NCAM1: variants seen among roughly 807,000 people sequenced by gnomAD.
NCAM1 encodes the protein antigen recognized by monoclonal antibody 5.1H11.
Under a neutral mutation model 109.8 loss-of-function variants are expected in NCAM1, and 14 were observed. That is an observed-to-expected ratio of 0.13 (90% CI 0.08 to 0.20). The LOEUF (loss-of-function observed/expected upper bound fraction) is 0.20. NCAM1 is among the 10% of genes least tolerant of loss of function. NCAM1 has a pLI of 1.00. For synonymous variants in NCAM1, 418 were observed against 442.9 expected, an observed-to-expected ratio of 0.94 and a Z score of 0.70; for missense variants, 774 against 1,109.9, an observed-to-expected ratio of 0.70 and a Z score of 4.30.
At chr11:113,138,810 C>T (rs782310976) in intron 1 of NCAM1, among the ~76,000 whole-genome samples, 1 of 152,176 alleles carries the variant, frequency 6.6e-6, no homozygotes, top group Non-Finnish European at 1.5e-5. Flanking sequence ...TTTAATCATC[C>T]AGCCGAAACA....
intron 1 of NCAM1, among the ~76,000 whole-genome samples, chr11:113,082,261 C>T (rs1220038729): frequency 6.6e-6 from 1 of 152,186 alleles, no homozygotes; most frequent in Non-Finnish European, 1.5e-5. Context: ...ATTGTTCCCG[C>T]ATACTCTTAA....
chr11:113,082,093 T>C (rs1423684393), intron 1 of NCAM1, among the ~76,000 whole-genome samples: 2 of 152,244 alleles, frequency 1.3e-5, no homozygotes, highest in Non-Finnish European at 1.5e-5. Context: ...TGCAATTGCC[T>C]CTTTTTTTCT....
chr11:113,147,650 C>A (rs1202249878), intron 1 of NCAM1, among the ~76,000 whole-genome samples: 1 of 152,212 alleles, frequency 6.6e-6, no homozygotes, highest in African/African-American at 2.4e-5. Flanking sequence ...ACCCCAGAAG[C>A]TTGTAACAGG....
At chr11:113,195,324 A>C (rs1307560487) in intron 1 of NCAM1, among the ~76,000 whole-genome samples, 1 of 152,060 alleles carries the variant, frequency 6.6e-6, no homozygotes, top group Admixed American at 6.6e-5. Flanking sequence ...AACGAGATAC[A>C]TTTACTTATG....
intron 9 of NCAM1, among the ~76,000 whole-genome samples, chr11:113,228,166 T>C (rs1408414584): frequency 6.6e-6 from 1 of 152,210 alleles, no homozygotes; most frequent in African/African-American, 2.4e-5. Context: ...GATGACATGA[T>C]TGTGTATCTA....
intron 1 of NCAM1, among the ~76,000 whole-genome samples, chr11:113,155,109 T>A (rs1017675322): frequency 3.3e-5 from 5 of 152,176 alleles, no homozygotes; most frequent in Admixed American, 6.5e-5. Context: ...GAGGATGACA[T>A]TAGATGGCTC....
chr11:113,059,740 C>A (rs1555083181), intron 1 of NCAM1, among the ~76,000 whole-genome samples: 1 of 152,180 alleles, frequency 6.6e-6, no homozygotes, highest in Non-Finnish European at 1.5e-5. Flanking sequence ...GATGGCAACA[C>A]CACATTGCAC....
intron 1 of NCAM1, among the ~76,000 whole-genome samples, chr11:113,198,262 C>T (rs782300190): frequency 2.0e-5 from 3 of 152,092 alleles, no homozygotes; most frequent in Non-Finnish European, 2.9e-5. Flanking sequence ...TGGCTCTGAG[C>T]GTCCCTTACC....
At chr11:113,138,610 G>C (rs1263203313) in intron 1 of NCAM1, among the ~76,000 whole-genome samples, 1 of 151,998 alleles carries the variant, frequency 6.6e-6, no homozygotes, top group Non-Finnish European at 1.5e-5. Flanking sequence ...TGCATGATCT[G>C]GGCTCTTTTT....
intron 1 of NCAM1, among the ~76,000 whole-genome samples, chr11:113,045,057 C>A (rs1953218909): frequency 6.6e-6 from 1 of 152,180 alleles, no homozygotes; most frequent in Admixed American, 6.5e-5. Context: ...CCCGGCCCTT[C>A]GCTTTTATTT....
chr11:113,027,667 G>T (rs1952589839), intron 1 of NCAM1, among the ~76,000 whole-genome samples: 1 of 152,160 alleles, frequency 6.6e-6, no homozygotes, highest in African/African-American at 2.4e-5. Context: ...GAATGTGTAA[G>T]AACTGTCTCA....
intron 1 of NCAM1, among the ~76,000 whole-genome samples, chr11:113,049,170 T>C (rs1953375469): frequency 6.6e-6 from 1 of 152,140 alleles, no homozygotes. Context: ...GTGATGGCAC[T>C]ACTAAATGGC....
intron 1 of NCAM1, chr11:113,134,043 G>T (rs1448610611): frequency 6.6e-6 from 1 of 151,038 alleles, no homozygotes; most frequent in Non-Finnish European, 1.5e-5. Flanking sequence ...ATACCCTTCA[G>T]TAGCGTTAAG....
chr11:113,147,563 T>G (rs2136240351), intron 1 of NCAM1, among the ~76,000 whole-genome samples: 1 of 152,336 alleles, frequency 6.6e-6, no homozygotes, highest in Non-Finnish European at 1.5e-5. Flanking sequence ...GTGGGACGAC[T>G]CTGCTAATGG....
intron 1 of NCAM1, among the ~76,000 whole-genome samples, chr11:113,062,802 C>T (rs1937733299): frequency 6.6e-6 from 1 of 151,892 alleles, no homozygotes; most frequent in Non-Finnish European, 1.5e-5. Context: ...TGAGACTTTA[C>T]CAAAAAAAAT....
At chr11:113,216,697 G>C (rs1444823816) in intron 8 of NCAM1, among the ~76,000 whole-genome samples, 2 of 152,032 alleles carry the variant, frequency 1.3e-5, no homozygotes, top group Non-Finnish European at 2.9e-5. Context: ...TGAGTGAATC[G>C]GTATTAAAAC....
Position 113,212,271 on chromosome 11 carries a change from A to C in NCAM1, c.917-2098A>C, listed in dbSNP as rs558603762. 2.3e-3 allele frequency among the ~76,000 whole-genome samples: 353 copies of C among 152,344 alleles called. 10 individuals carry two copies. Among genetic ancestry groups the C allele is most frequent in the South Asian group, 0.022 (107 of 4,832 alleles). ...ACTGCTTCTAGAGTAATAGAGAATT[A>C]AATTATCAGTGGGAAGCTTCCCTTC... On this transcript the variant is annotated intron_variant, in intron 7 of 19. Transcript: ENST00000316851.
intron 14 of NCAM1, chr11:113,235,373 G>A (rs1195947616): frequency 5.4e-6 from 6 of 1,101,640 alleles, no homozygotes; most frequent in Non-Finnish European, 8.2e-6. Flanking sequence ...CCAAGGGGTT[G>A]GGGACACTGT....
rs1484502037 is a variant in NCAM1 at position 113,275,478 on chromosome 11, G to A, written c.*91G>A. Reference sequence around the variant, plus strand: ...CAACACCACAGACACACACACGCACGCACACACACAAACACACATGCACAC... The same window carrying A: ...CAACACCACAGACACACACACGCACACACACACACAAACACACATGCACAC... On this transcript the variant is annotated 3_prime_UTR_variant, in exon 20 of 20. Coordinates refer to ENST00000316851, the MANE Select transcript of NCAM1 (RefSeq NM_181351.5). The A allele has an allele frequency of 5.2e-5, 75 of 1,448,352 alleles. No homozygotes were observed. The highest frequency in any genetic ancestry group is 1.8e-4 in the Middle Eastern group (1 of 5,702). 89.7% of individuals were successfully genotyped at this position (1,448,352 alleles called of 1,614,324 possible).
Sources: allele counts gnomAD v4.1 joint callset (sites outside exome capture counted in the v4.1 genomes callset), GRCh38; gene constraint gnomAD v4.1.1; transcripts MANE v1.5; gene names NCBI Gene and HGNC (gene_info 2026-07-23, HGNC 2026-07-21).